The following CNTN5 variants were observed in gnomAD, a reference collection of about 807,000 sequenced individuals.
The protein encoded by CNTN5 is contactin-5.
CNTN5 carries 77 observed loss-of-function variants against 129.1 expected under a neutral mutation model. The ratio of observed to expected loss-of-function variants is 0.60; its 90% CI spans 0.50 to 0.72. CNTN5 has a LOEUF of 0.72. Ranked by LOEUF, CNTN5 falls within the 30% of genes least tolerant of loss-of-function variation. The probability of loss-of-function intolerance (pLI) is 0.00; values close to 1 mark genes in which losing one functional copy is unlikely to be tolerated. For synonymous variants in CNTN5, 509 were observed against 465.6 expected, an observed-to-expected ratio of 1.09 and a Z score of -1.20; for missense variants, 1,478 against 1,328.8, an observed-to-expected ratio of 1.11 and a Z score of -1.75.
At chr11:100,279,257 T>C (rs986451310) in intron 18 of CNTN5, among the ~76,000 whole-genome samples, 2 of 151,744 alleles carry the variant, frequency 1.3e-5, no homozygotes, top group Non-Finnish European at 3.0e-5. Flanking sequence ...TACCAGTCTA[T>C]AGGTTTTTTT....
rs961662288 is a variant in CNTN5 at position 99,785,103 on chromosome 11, G to A, written c.56-34441G>A. 6.6e-5 allele frequency among the ~76,000 whole-genome samples: 10 copies of A among 152,014 alleles called. No individual in the cohort carries two copies. The South Asian group carries it at 8.3e-4, about 13-fold the overall frequency. On this transcript the variant is annotated intron_variant, in intron 3 of 24. Transcript: ENST00000524871. Reference sequence around the variant, plus strand: ...CAAAGTGCTGGGATTACAGGCGTGAGCCACCGCACCCTGCCCTTATTGTGG... The same window carrying A: ...CAAAGTGCTGGGATTACAGGCGTGAACCACCGCACCCTGCCCTTATTGTGG...
intron 13 of CNTN5, among the ~76,000 whole-genome samples, chr11:100,126,133 G>A (rs185682466): frequency 6.2e-4 from 95 of 152,014 alleles, no homozygotes; most frequent in Admixed American, 1.7e-3. Context: ...CTTGGTATTG[G>A]TTTACAGTTG....
At chr11:99,211,654 A>G (rs1469553780) in intron 1 of CNTN5, among the ~76,000 whole-genome samples, 1 of 150,186 alleles carries the variant, frequency 6.7e-6, no homozygotes. Flanking sequence ...ATTTTTTCAT[A>G]CTTTATCAAA....
intron 1 of CNTN5, among the ~76,000 whole-genome samples, chr11:99,190,898 A>T (rs1277899388): frequency 6.6e-6 from 1 of 151,556 alleles, no homozygotes; most frequent in African/African-American, 2.4e-5. Flanking sequence ...AAGTAGTGAG[A>T]ATGGGCATCC....
At chr11:99,590,872 A>AT (rs777118835) in intron 3 of CNTN5, among the ~76,000 whole-genome samples, 40 of 152,206 alleles carry the variant, frequency 2.6e-4, no homozygotes, top group Non-Finnish European at 4.7e-4. Context: ...TTCAGAATAT[A>AT]TTTTTTCCAA....
intron 3 of CNTN5, among the ~76,000 whole-genome samples, chr11:99,705,861 C>A (rs1057082752): frequency 1.3e-5 from 2 of 151,240 alleles, no homozygotes; most frequent in Non-Finnish European, 3.0e-5. Flanking sequence ...GTGTCAGGAT[C>A]CTCACAATCT....
chr11:100,239,417 A>G (rs1423346508), intron 16 of CNTN5, among the ~76,000 whole-genome samples: 2 of 152,200 alleles, frequency 1.3e-5, no homozygotes, highest in African/African-American at 4.8e-5. Context: ...CCTATGTAAT[A>G]GTCATCAGGT....
At chr11:99,338,773 T>C (rs1866350470) in intron 2 of CNTN5, among the ~76,000 whole-genome samples, 2 of 151,762 alleles carry the variant, frequency 1.3e-5, no homozygotes, top group African/African-American at 2.4e-5. Context: ...TTTGCTTATT[T>C]TGTTTATATT....
intron 3 of CNTN5, among the ~76,000 whole-genome samples, chr11:99,766,583 AC>A (rs1944763417): frequency 6.6e-6 from 1 of 152,084 alleles, no homozygotes; most frequent in Non-Finnish European, 1.5e-5. Flanking sequence ...AGGTTGAGTT[AC>A]TTCAAGAGTT....
chr11:99,334,048 A>G (rs902510400), intron 2 of CNTN5, among the ~76,000 whole-genome samples: 6 of 152,026 alleles, frequency 3.9e-5, no homozygotes, highest in Non-Finnish European at 5.9e-5. Flanking sequence ...AATGAAATCA[A>G]GAGCTGAAAA....
chr11:100,252,588 G>A (rs1051884012), intron 16 of CNTN5, among the ~76,000 whole-genome samples: 2 of 152,048 alleles, frequency 1.3e-5, no homozygotes, highest in South Asian at 2.1e-4. Flanking sequence ...ATTGATTTTT[G>A]TATGAGGTGA....
At chr11:99,938,237 G>A (rs1200260068) in intron 7 of CNTN5, among the ~76,000 whole-genome samples, 1 of 151,992 alleles carries the variant, frequency 6.6e-6, no homozygotes, top group African/African-American at 2.4e-5. Context: ...TACATTCTAG[G>A]ATTCTAGTTA....
chr11:100,300,540 A>C (rs1951195899), intron 20 of CNTN5, among the ~76,000 whole-genome samples: 1 of 151,548 alleles, frequency 6.6e-6, no homozygotes, highest in Non-Finnish European at 1.5e-5. Context: ...TATTATTCAT[A>C]ATTAATTATT....
intron 1 of CNTN5, among the ~76,000 whole-genome samples, chr11:99,033,801 C>G (rs950516776): frequency 6.6e-6 from 1 of 152,072 alleles, no homozygotes; most frequent in Non-Finnish European, 1.5e-5. Context: ...ACTTCCAACA[C>G]TATGGTGAAT....
chr11:99,231,751 A>G (rs560159916), intron 1 of CNTN5, among the ~76,000 whole-genome samples: 1 of 152,220 alleles, frequency 6.6e-6, no homozygotes, highest in South Asian at 2.1e-4. Context: ...AGTATTGCGT[A>G]GATTTTCTTC....
intron 1 of CNTN5, among the ~76,000 whole-genome samples, chr11:99,151,036 C>T (rs1860026644): frequency 6.6e-6 from 1 of 151,980 alleles, no homozygotes; most frequent in East Asian, 1.9e-4. Flanking sequence ...GATATTTTTC[C>T]CTCAGAAAAC....
At chr11:99,759,326 C>G (rs531399891) in intron 3 of CNTN5, among the ~76,000 whole-genome samples, 13 of 152,054 alleles carry the variant, frequency 8.5e-5, no homozygotes, top group Non-Finnish European at 1.5e-4. Flanking sequence ...AGCCTTTTCT[C>G]ACAGTACTTA....
intron 3 of CNTN5, among the ~76,000 whole-genome samples, chr11:99,758,491 G>A (rs1458554514): frequency 2.3e-4 from 35 of 152,100 alleles, no homozygotes; most frequent in Non-Finnish European, 1.5e-5. Context: ...GGGCCAGGCA[G>A]TACACAGAAT....
intron 2 of CNTN5, among the ~76,000 whole-genome samples, chr11:99,409,082 C>T (rs1470193939): frequency 6.6e-6 from 1 of 152,070 alleles, no homozygotes; most frequent in Non-Finnish European, 1.5e-5. Flanking sequence ...AATTATGTGG[C>T]CATTCTTACT....
Sources: gnomAD v4.1 joint callset for allele counts (sites outside exome capture counted in the v4.1 genomes callset) on GRCh38, gnomAD v4.1.1 for gene constraint, MANE v1.5 for transcripts, NCBI Gene and HGNC (gene_info 2026-07-23, HGNC 2026-07-21) for gene names.